TRPM3: variants seen among roughly 807,000 people sequenced by gnomAD.
The protein encoded by TRPM3 is long transient receptor potential channel 3.
A neutral mutation model predicts 181.2 loss-of-function variants in TRPM3; 77 were observed. The observed-to-expected ratio is 0.42, with a 90% CI of 0.35 to 0.51. The LOEUF is 0.51. Among genes scored for constraint, TRPM3 ranks in the 20% least tolerant of loss-of-function variants. The pLI is 0.01. For synonymous variants in TRPM3, 745 were observed against 796.4 expected, an observed-to-expected ratio of 0.94 and a Z score of 1.09; for missense variants, 1,759 against 2,196.7, an observed-to-expected ratio of 0.80 and a Z score of 3.98.
At chr9:70,557,329 T>A (rs2047960770) in intron 22 of TRPM3, among the ~76,000 whole-genome samples, 1 of 152,228 alleles carries the variant, frequency 6.6e-6, no homozygotes, top group Admixed American at 6.5e-5. Flanking sequence ...GTGAATTAGA[T>A]GATCCTTGTT....
intron 1 of TRPM3, among the ~76,000 whole-genome samples, chr9:71,156,526 C>T (rs2076013714): frequency 6.6e-6 from 1 of 151,782 alleles, no homozygotes; most frequent in Non-Finnish European, 1.5e-5. Context: ...TTTTTATAAA[C>T]AAACAAATCT....
chr9:70,863,021 G>A lies in TRPM3; in HGVS notation c.349C>T (p.Arg117Ter), dbSNP rs763880806. The A allele has an allele frequency of 1.2e-6, 2 of 1,613,506 alleles. No individual in the cohort carries two copies. Among genetic ancestry groups the A allele is most frequent in the Non-Finnish European group, 1.7e-6 (2 of 1,179,716 alleles). The change falls in exon 3 of 26, where the codon CGA becomes TGA. Residue 117 changes from arginine (R) to a stop codon, truncating the protein, a stop_gained. Transcript: ENST00000677713. LOFTEE classifies it high-confidence loss of function. ...CACTTTTCAGACTGGATGTCATTTC[G>A]GGAGAGGCGACTTTCATTTTTCTCA... The part of the protein sequence containing the change: ...QNEKNESRLS[R>*]NDIQSEKWSI...
At chr9:71,427,120 CT>C (rs1383177525) in intron 1 of TRPM3, among the ~76,000 whole-genome samples, 1 of 152,114 alleles carries the variant, frequency 6.6e-6, no homozygotes, top group Non-Finnish European at 1.5e-5. Flanking sequence ...ACAATAATGC[CT>C]TACGGTATTT....
At chr9:70,821,448 T>C (rs1281065519) in intron 6 of TRPM3, among the ~76,000 whole-genome samples, 2 of 152,216 alleles carry the variant, frequency 1.3e-5, no homozygotes, top group Non-Finnish European at 2.9e-5. Flanking sequence ...TCAGGATACA[T>C]AGATGCTACT....
At chr9:71,317,979 G>A (rs1207175660) in intron 1 of TRPM3, among the ~76,000 whole-genome samples, 2 of 152,118 alleles carry the variant, frequency 1.3e-5, no homozygotes, top group Non-Finnish European at 2.9e-5. Flanking sequence ...AGGCTGAATG[G>A]TGTCTCATGC....
intron 1 of TRPM3, among the ~76,000 whole-genome samples, chr9:71,147,436 C>CAA (rs1381871262): frequency 6.6e-6 from 1 of 151,212 alleles, no homozygotes; most frequent in Non-Finnish European, 1.5e-5. Context: ...CACACACACA[C>CAA]ACACACACAC....
chr9:71,337,024 A>G (rs2090605929), intron 1 of TRPM3, among the ~76,000 whole-genome samples: 1 of 152,284 alleles, frequency 6.6e-6, no homozygotes, highest in South Asian at 2.1e-4. Context: ...AGGCAATACC[A>G]TTCAAGACAT....
intron 25 of TRPM3, among the ~76,000 whole-genome samples, chr9:70,544,329 G>GGTTA (rs530318748): frequency 2.9e-4 from 44 of 152,204 alleles, no homozygotes; most frequent in Non-Finnish European, 5.4e-4. Context: ...CAAAAGATAA[G>GGTTA]GTTAGTTAAC....
intron 6 of TRPM3, among the ~76,000 whole-genome samples, chr9:70,822,521 A>G (rs79871072): frequency 0.039 from 5,942 of 151,642 alleles, 198 homozygotes; most frequent in South Asian, 0.14. Context: ...AAAGTAGAAG[A>G]GTGGCCACTA....
At chr9:71,200,774 C>T (rs558765328) in intron 1 of TRPM3, among the ~76,000 whole-genome samples, 22 of 152,150 alleles carry the variant, frequency 1.4e-4, no homozygotes, top group East Asian at 5.8e-4. Flanking sequence ...TGTCTCTGCA[C>T]GTGAGATGGG....
intron 1 of TRPM3, among the ~76,000 whole-genome samples, chr9:71,181,694 T>C (rs1302424580): frequency 6.6e-6 from 1 of 152,178 alleles, no homozygotes; most frequent in Non-Finnish European, 1.5e-5. Context: ...AATTTACCAC[T>C]GTCCTTTAGC....
Position 71,268,273 on chromosome 9 carries a change from G to A in TRPM3, c.183+178380C>T, listed in dbSNP as rs146184450. ...TGCATGCCTGTAGTCCCAGCTACTC[G>A]GGAGGCTGAGGCAGGAGAATCACTT... On this transcript the variant is annotated intron_variant, in intron 1 of 24. Coordinates refer to the TRPM3 transcript ENST00000357533. 4.0e-3 allele frequency among the ~76,000 whole-genome samples: 612 copies of A among 151,900 alleles called. 4 individuals are homozygous for A. Among genetic ancestry groups the A allele is most frequent in the African/African-American group, 0.014 (586 of 41,406 alleles).
At chr9:70,907,014 G>T (rs558207507) in intron 1 of TRPM3, among the ~76,000 whole-genome samples, 1 of 152,078 alleles carries the variant, frequency 6.6e-6, no homozygotes, top group East Asian at 1.9e-4. Context: ...GTATATGAGA[G>T]CTGTATACAT....
At chr9:71,330,187 C>G (rs2090008134) in intron 1 of TRPM3, among the ~76,000 whole-genome samples, 1 of 151,822 alleles carries the variant, frequency 6.6e-6, no homozygotes, top group African/African-American at 2.4e-5. Flanking sequence ...GAACATCTCC[C>G]TAATCTTGGC....
At chr9:71,432,376 T>TTTTCATGGCCA (rs1367805380) in intron 1 of TRPM3, among the ~76,000 whole-genome samples, 2 of 144,922 alleles carry the variant, frequency 1.4e-5, no homozygotes, top group African/African-American at 5.3e-5. Context: ...TCTGCATACA[T>TTTTCATGGCCA]TTTCATGGCC....
At chr9:71,113,471 G>C (rs1049591301) in intron 1 of TRPM3, among the ~76,000 whole-genome samples, 3 of 152,052 alleles carry the variant, frequency 2.0e-5, no homozygotes, top group Admixed American at 6.6e-5. Context: ...ACTTGATTAG[G>C]GCAGCAGTTA....
chr9:70,740,845 T>C (rs1296107729), intron 8 of TRPM3, among the ~76,000 whole-genome samples: 1 of 152,196 alleles, frequency 6.6e-6, no homozygotes, highest in African/African-American at 2.4e-5. Context: ...ATCTCAGACC[T>C]GAAACCACAA....
chr9:71,128,434 A>T (rs1166281244), intron 1 of TRPM3, among the ~76,000 whole-genome samples: 1 of 152,228 alleles, frequency 6.6e-6, no homozygotes, highest in African/African-American at 2.4e-5. Context: ...GGGTTTTAGT[A>T]TAATTCAAAA....
intron 1 of TRPM3, among the ~76,000 whole-genome samples, chr9:71,233,372 C>A (rs10868991): frequency 0.24 from 36,733 of 152,090 alleles, 5,161 homozygotes; most frequent in African/African-American, 0.37. Flanking sequence ...GTTTCAGTAG[C>A]AAATATTCAT....
Sources: gnomAD v4.1 joint callset for allele counts (sites outside exome capture counted in the v4.1 genomes callset) on GRCh38, gnomAD v4.1.1 for gene constraint, MANE v1.5 for transcripts, NCBI Gene and HGNC (gene_info 2026-07-23, HGNC 2026-07-21) for gene names.